PVT1: variants seen among roughly 807,000 people sequenced by gnomAD.
PVT1 encodes the protein Pvt1 oncogene.
intron 3 of PVT1, among the ~76,000 whole-genome samples, chr8:127,976,169 G>A (rs1209415786): frequency 6.6e-6 from 1 of 152,202 alleles, no homozygotes; most frequent in Non-Finnish European, 1.5e-5. Flanking sequence ...TGCAGTTGCA[G>A]AATCTCAGAG....
At chr8:127,851,025 A>T (rs569604824) in intron 2 of PVT1, among the ~76,000 whole-genome samples, 3 of 151,606 alleles carry the variant, frequency 2.0e-5, no homozygotes, top group Non-Finnish European at 4.4e-5. Context: ...AAATTAAAAA[A>T]AAATAAAAAA....
At chr8:128,037,344 T>C (rs1813476320) in intron 4 of PVT1, among the ~76,000 whole-genome samples, 1 of 152,272 alleles carries the variant, frequency 6.6e-6, no homozygotes, top group Non-Finnish European at 1.5e-5. Flanking sequence ...AATTCTATAA[T>C]TTATGTGTTT....
chr8:128,083,451 C>G (rs1001531784), intron 5 of PVT1, among the ~76,000 whole-genome samples: 2 of 152,224 alleles, frequency 1.3e-5, no homozygotes, highest in Admixed American at 6.5e-5. Flanking sequence ...CCCCTAAAAT[C>G]TGTCTCAAAG....
At chr8:128,034,664 T>C (rs185435879) in intron 4 of PVT1, among the ~76,000 whole-genome samples, 2 of 152,350 alleles carry the variant, frequency 1.3e-5, no homozygotes, top group Admixed American at 6.5e-5. Flanking sequence ...AGAAGGGAGC[T>C]TGGGCTCCAG....
chr8:128,039,531 AT>A (rs1364004239), intron 4 of PVT1, among the ~76,000 whole-genome samples: 2 of 152,238 alleles, frequency 1.3e-5, no homozygotes, highest in East Asian at 3.9e-4. Context: ...GAAATGCCCC[AT>A]CTGGTCATGA....
At chr8:127,826,269 C>T (rs781608060) in intron 2 of PVT1, among the ~76,000 whole-genome samples, 3 of 151,982 alleles carry the variant, frequency 2.0e-5, no homozygotes, top group Non-Finnish European at 4.4e-5. Context: ...ATAATAGTCC[C>T]TAATTCCTAA....
intron 3 of PVT1, among the ~76,000 whole-genome samples, chr8:127,937,773 A>G (rs998143344): frequency 1.9e-4 from 29 of 152,100 alleles, no homozygotes; most frequent in Admixed American, 1.3e-3. Flanking sequence ...CCTGGCCCCA[A>G]TTCAATTCAA....
At chr8:127,931,307 T>A (rs979356899) in intron 3 of PVT1, among the ~76,000 whole-genome samples, 9 of 152,174 alleles carry the variant, frequency 5.9e-5, no homozygotes, top group Non-Finnish European at 1.5e-5. Context: ...GGGGAAGTGA[T>A]TGCCCTCATC....
At chr8:128,052,989 G>A (rs995305103) in intron 4 of PVT1, among the ~76,000 whole-genome samples, 23 of 152,184 alleles carry the variant, frequency 1.5e-4, no homozygotes, top group Non-Finnish European at 1.9e-4. Flanking sequence ...CCTTTCTAGT[G>A]CTTTCTTCTA....
intron 4 of PVT1, among the ~76,000 whole-genome samples, chr8:128,067,485 G>A (rs552479709): frequency 2.5e-3 from 375 of 152,296 alleles, no homozygotes; most frequent in Middle Eastern, 3.4e-3. Context: ...GTCTATATTG[G>A]AGCAGCTCAG....
chr8:128,078,113 T>C (rs1814115160), intron 5 of PVT1, among the ~76,000 whole-genome samples: 1 of 152,130 alleles, frequency 6.6e-6, no homozygotes, highest in African/African-American at 2.4e-5. Flanking sequence ...TCTTAAACAG[T>C]TAGCGTGCCT....
At chr8:127,812,122 G>GGAAAA (rs779761707) in intron 2 of PVT1, among the ~76,000 whole-genome samples, 130 of 130,752 alleles carry the variant, frequency 9.9e-4, no homozygotes, top group African/African-American at 2.8e-3. Flanking sequence ...AGAAAAGAAA[G>GGAAAA]GAAAAGAAAA....
chr8:127,821,003 C>T lies in PVT1; in HGVS notation n.372+24932C>T, dbSNP rs183219193. ...GGATTACAGACATGAGCCACTGCGC[C>T]GAGCCTGAGCCTCAGTTTCTGATAC... On this transcript the variant is annotated intron_variant and non_coding_transcript_variant, in intron 2 of 10. Transcript: ENST00000651587. Among the ~76,000 whole-genome samples the T allele has an allele frequency of 5.1e-4, 78 of 152,236 alleles. No individual in the cohort carries two copies. The Middle Eastern group carries it at 0.024, about 46-fold the overall frequency.
intron 3 of PVT1, among the ~76,000 whole-genome samples, chr8:127,959,178 CTA>C (rs1215910045): frequency 6.6e-6 from 1 of 152,206 alleles, no homozygotes; most frequent in East Asian, 1.9e-4. Context: ...GAACTGATGA[CTA>C]TCAGTCCCCT....
chr8:127,846,524 TC>T (rs925789143), intron 2 of PVT1, among the ~76,000 whole-genome samples: 1 of 152,192 alleles, frequency 6.6e-6, no homozygotes, highest in African/African-American at 2.4e-5. Flanking sequence ...TTCTCCTGGA[TC>T]AACTCCCTGA....
At chr8:127,868,780 T>TAC (rs1563625641) in intron 2 of PVT1, among the ~76,000 whole-genome samples, 9 of 118,936 alleles carry the variant, frequency 7.6e-5, no homozygotes, top group Non-Finnish European at 1.5e-4. Context: ...CATATATATA[T>TAC]ATATATATAT....
At chr8:127,884,026 A>T (rs896789733) in intron 2 of PVT1, among the ~76,000 whole-genome samples, 1 of 152,280 alleles carries the variant, frequency 6.6e-6, no homozygotes, top group Admixed American at 6.5e-5. Context: ...AATAATGTGC[A>T]TGGAGAAAAG....
intron 4 of PVT1, among the ~76,000 whole-genome samples, chr8:128,041,245 T>C (rs1813532269): frequency 6.8e-6 from 1 of 146,074 alleles, no homozygotes; most frequent in Non-Finnish European, 1.5e-5. Flanking sequence ...GTGTTGTTTG[T>C]GTGTGTGTTT....
At chr8:128,067,602 G>T (rs1283358056) in intron 4 of PVT1, among the ~76,000 whole-genome samples, 1 of 152,192 alleles carries the variant, frequency 6.6e-6, no homozygotes, top group African/African-American at 2.4e-5. Flanking sequence ...GCTTCCTGGG[G>T]GAAAGGATGT....
Sources: gnomAD v4.1 joint callset for allele counts (sites outside exome capture counted in the v4.1 genomes callset) on GRCh38, gnomAD v4.1.1 for gene constraint, MANE v1.5 for transcripts, NCBI Gene and HGNC (gene_info 2026-07-23, HGNC 2026-07-21) for gene names.